Variants in GSR observed in about 807,000 individuals in gnomAD.
The protein encoded by GSR is glutathione-disulfide reductase.
GSR carries 48 observed loss-of-function variants against 56.5 expected under a neutral mutation model. The observed-to-expected ratio is 0.85, with a 90% CI of 0.67 to 1.08. The LOEUF (loss-of-function observed/expected upper bound fraction) is 1.08. GSR is among the 50% of genes least tolerant of loss of function. The pLI is 0.00. For missense variants in GSR, 694 were observed against 703.3 expected, an observed-to-expected ratio of 0.99 and a Z score of 0.15; for synonymous variants, 264 against 270.8, an observed-to-expected ratio of 0.97 and a Z score of 0.25.
chr8:30,706,875 GCC>G (rs1296463748), intron 4 of GSR: 1 of 152,176 alleles, frequency 6.6e-6, no homozygotes, highest in African/African-American at 2.4e-5. Context: ...GGTAGCTCAC[GCC>G]TATAATCTCA....
At position 30,700,085 on chromosome 8, in the gene GSR, G is replaced by C. The variant is rs201272704; in HGVS notation, c.691C>G (p.Pro231Ala). ...SDGFFQLEEL[P>A]GRSVIVGAGY... The stretch of plus-strand genomic sequence containing the variant: ...GGTCAGGTCAGGTTGGCTTACCCGG[G>C]CAATTCTTCCAGCTGAAAAAATCCA... The change falls in exon 6 of 13, where the codon CCC (proline) becomes GCC (alanine). Residue 231 changes from proline (P) to alanine (A), a missense_variant. Pro to Ala is a conservative substitution (Grantham distance 27). Transcript: ENST00000221130. The C allele has an allele frequency of 1.5e-5, 24 of 1,612,232 alleles. No individual in the cohort carries two copies. The East Asian group carries it at 5.1e-4, about 34-fold the overall frequency.
In GSR at chr8:30,727,532, A is replaced by G. The variant is rs1804777181; in HGVS notation, c.304T>C (p.Cys102Arg). 19 of 1,537,278 alleles carry G rather than the reference A, an allele frequency of 1.2e-5. No individual in the cohort carries two copies. Among genetic ancestry groups the G allele is most frequent in the Non-Finnish European group, 1.7e-5 (19 of 1,144,966 alleles). Residue 102 changes from cysteine (C) to arginine (R), a missense_variant and splice_region_variant, in exon 1 of 13, where the codon TGC (cysteine) becomes CGC (arginine). Coordinates refer to ENST00000221130, the MANE Select transcript of GSR (RefSeq NM_000637.5). ...VVESHKLGGTCVNVGCVPKKV... is the reference protein window; with the variant it reads ...VVESHKLGGTRVNVGCVPKKV... Reference sequence around the variant, plus strand: ...CCGAACAAACCGGCGGTACTCACGCAAGTGCCACCCAGCTTGTGGCTCTCC... The same window carrying G: ...CCGAACAAACCGGCGGTACTCACGCGAGTGCCACCCAGCTTGTGGCTCTCC...
intron 10 of GSR, 107 bp from the exon 11 acceptor site, chr8:30,682,168 G>T: frequency 1.1e-6 from 1 of 899,088 alleles, no homozygotes; most frequent in Non-Finnish European, 1.9e-6. Context: ...AGTTCTGACA[G>T]TTTCACACCA....
chr8:30,699,664 G>C (rs1159298928), intron 6 of GSR, among the ~76,000 whole-genome samples: 1 of 151,198 alleles, frequency 6.6e-6, no homozygotes, highest in Non-Finnish European at 1.5e-5. Context: ...GGCTGGTCTC[G>C]AGCTCCTGAC....
chr8:30,684,944 T>C (rs1458985853), intron 9 of GSR, among the ~76,000 whole-genome samples: 8 of 58,214 alleles, frequency 1.4e-4, no homozygotes, highest in African/African-American at 4.8e-4. Flanking sequence ...TTTATTTATT[T>C]ATTTATTTAT....
intron 10 of GSR, among the ~76,000 whole-genome samples, chr8:30,683,853 G>C (rs1803038932): frequency 6.6e-6 from 1 of 152,054 alleles, no homozygotes; most frequent in Non-Finnish European, 1.5e-5. Flanking sequence ...TTCCGCAACG[G>C]GTGATCATAT....
intron 7 of GSR, among the ~76,000 whole-genome samples, chr8:30,695,983 T>A (rs1411118160): frequency 6.6e-6 from 1 of 152,150 alleles, no homozygotes; most frequent in South Asian, 2.1e-4. Flanking sequence ...GAGGTTGCAG[T>A]GAGCCGAGAT....
At chr8:30,719,108 T>A (rs1490023877) in intron 1 of GSR, among the ~76,000 whole-genome samples, 1 of 142,992 alleles carries the variant, frequency 7.0e-6, no homozygotes, top group Admixed American at 7.0e-5. Context: ...TTTTAAATTT[T>A]TTTTTTTTTT....
chr8:30,684,036 T>G, intron 10 of GSR, 52 bp downstream of exon 10: 1 of 914,478 alleles, frequency 1.1e-6, no homozygotes, highest in East Asian at 2.4e-5. Context: ...AAGAGCCAGA[T>G]GGATCATGTA....
intron 1 of GSR, among the ~76,000 whole-genome samples, chr8:30,719,595 G>A (rs1804460442): frequency 6.6e-6 from 1 of 152,078 alleles, no homozygotes; most frequent in African/African-American, 2.4e-5. Context: ...CATCATCAAG[G>A]AGACTCCTGT....
At chr8:30,692,903 G>A (rs766209313) in intron 8 of GSR, 66 bp downstream of exon 8, 1 of 965,318 alleles carries the variant, frequency 1.0e-6, no homozygotes, top group Non-Finnish European at 1.7e-6. Flanking sequence ...AACTAACTGG[G>A]CGAAGCCACA....
At chr8:30,690,144 A>T (rs1464511065) in intron 8 of GSR, among the ~76,000 whole-genome samples, 1 of 128,314 alleles carries the variant, frequency 7.8e-6, no homozygotes, top group African/African-American at 2.8e-5. Flanking sequence ...ACATTTACAT[A>T]TAAATAAAAT....
chr8:30,709,906 TAAAAAAA>T lies in GSR; in HGVS notation c.334-11_334-5del. On this transcript the variant is annotated splice_region_variant and splice_polypyrimidine_tract_variant and intron_variant, in intron 2 of 12. Transcript: ENST00000221130. ...GGACAGCTGTGTTCCACATTACCTG[TAAAAAAA>T]AAAAAAAAAAAGGATCCAAAACAGC... The T allele has an allele frequency of 1.0e-5, 10 of 999,636 alleles. No homozygotes were observed. Among genetic ancestry groups the T allele is most frequent in the Middle Eastern group, 2.2e-4 (1 of 4,606 alleles). The allele number at this position is 999,636 out of a possible 1,614,324, so 61.9% of individuals were successfully genotyped here.
chr8:30,715,041 C>T (rs540756433), intron 1 of GSR, among the ~76,000 whole-genome samples: 11 of 151,908 alleles, frequency 7.2e-5, no homozygotes, highest in South Asian at 2.1e-4. Context: ...TTTGGGAGGC[C>T]GAAAAGAAAG....
At chr8:30,692,924 GTGAT>G in intron 8 of GSR, 41 bp downstream of exon 8, 1 of 1,165,456 alleles carries the variant, frequency 8.6e-7, no homozygotes, top group Non-Finnish European at 1.3e-6. Context: ...AGCAGAAAGT[GTGAT>G]TGACTGGGGG....
At chr8:30,695,569 G>A (rs1019486768) in intron 7 of GSR, among the ~76,000 whole-genome samples, 2 of 152,124 alleles carry the variant, frequency 1.3e-5, no homozygotes, top group Non-Finnish European at 2.9e-5. Context: ...ATCAGCTATT[G>A]TTTGTGTTAG....
intron 1 of GSR, among the ~76,000 whole-genome samples, chr8:30,719,210 A>T (rs200268772): frequency 6.7e-6 from 1 of 149,722 alleles, no homozygotes; most frequent in Admixed American, 6.7e-5. Flanking sequence ...GGGTTCAAGC[A>T]ATTCTCCTGC....
intron 5 of GSR, among the ~76,000 whole-genome samples, chr8:30,702,244 CA>C (rs1269709644): frequency 6.6e-6 from 1 of 151,200 alleles, no homozygotes; most frequent in East Asian, 2.0e-4. Flanking sequence ...CGCTTGAACC[CA>C]GGAGGTGGAG....
intron 10 of GSR, among the ~76,000 whole-genome samples, chr8:30,683,668 G>C (rs1185259341): frequency 1.3e-5 from 2 of 151,498 alleles, no homozygotes; most frequent in Non-Finnish European, 2.9e-5. Flanking sequence ...TCTGAGGTGG[G>C]AGGATCACCT....
Sources: gnomAD v4.1 joint callset for allele counts (sites outside exome capture counted in the v4.1 genomes callset) on GRCh38, gnomAD v4.1.1 for gene constraint, MANE v1.5 for transcripts, NCBI Gene and HGNC (gene_info 2026-07-23, HGNC 2026-07-21) for gene names.